DIAPH3: variants seen among roughly 807,000 people sequenced by gnomAD.
DIAPH3 encodes the protein diaphanous related formin 3.
A neutral mutation model predicts 144.3 loss-of-function variants in DIAPH3; 117 were observed. That is an observed-to-expected ratio of 0.81 (90% CI 0.70 to 0.95). DIAPH3 has a LOEUF of 0.95. Among genes scored for constraint, DIAPH3 ranks in the 40% least tolerant of loss-of-function variants. The probability of loss-of-function intolerance (pLI) is 0.00; values close to 1 mark genes in which losing one functional copy is unlikely to be tolerated. For synonymous variants in DIAPH3, 519 were observed against 488.9 expected (o/e 1.06, Z -0.81); for missense variants, 1,421 against 1,412.7 (o/e 1.01, Z -0.09).
At chr13:60,044,423 A>C (rs1343537341) in intron 4 of DIAPH3, 1 of 152,214 alleles carries the variant, frequency 6.6e-6, no homozygotes, top group East Asian at 1.9e-4. Flanking sequence ...TCAATGGTAC[A>C]ATCTCCGAAA....
At chr13:60,034,973 T>A (rs1036165366) in intron 5 of DIAPH3, among the ~76,000 whole-genome samples, 6 of 151,824 alleles carry the variant, frequency 4.0e-5, no homozygotes, top group Admixed American at 6.6e-5. Context: ...GAATTTTTTT[T>A]AAAAAGTCAA....
In DIAPH3 at chr13:59,666,419, C is replaced by A; in HGVS notation, c.*165G>T. 1.1e-5 allele frequency: 9 copies of A among 783,736 alleles called. No homozygotes were observed. Among genetic ancestry groups the A allele is most frequent in the East Asian group, 2.9e-5 (1 of 34,896 alleles). 48.5% of individuals were successfully genotyped at this position (783,736 alleles called of 1,614,324 possible). On this transcript the variant is annotated 3_prime_UTR_variant, in exon 28 of 28. Coordinates refer to ENST00000400324, the MANE Select transcript of DIAPH3 (RefSeq NM_001042517.2). ...CTTGAATAAACCAAAACCTCCAGTA[C>A]ATAGAAAAAGCATTGCAATCATATA...
intron 4 of DIAPH3, among the ~76,000 whole-genome samples, chr13:60,070,305 T>C (rs2057152745): frequency 6.6e-6 from 1 of 151,868 alleles, no homozygotes; most frequent in African/African-American, 2.4e-5. Flanking sequence ...TTTTGCTCTT[T>C]TTTTCTAGCC....
chr13:60,110,943 C>G (rs973374362), intron 3 of DIAPH3, among the ~76,000 whole-genome samples: 1 of 152,130 alleles, frequency 6.6e-6, no homozygotes, highest in Non-Finnish European at 1.5e-5. Context: ...GGTAGTTGTA[C>G]TTTTAACTTG....
chr13:60,028,854 A>T (rs2141082228), intron 5 of DIAPH3, among the ~76,000 whole-genome samples: 1 of 152,196 alleles, frequency 6.6e-6, no homozygotes, highest in East Asian at 1.9e-4. Flanking sequence ...AGGTCAGGAG[A>T]TCGAGACCAT....
intron 17 of DIAPH3, among the ~76,000 whole-genome samples, chr13:59,938,840 G>C (rs1198035999): frequency 6.6e-6 from 1 of 152,166 alleles, no homozygotes. Flanking sequence ...TGGGTACAGA[G>C]TATCAGCTGG....
In DIAPH3 at chr13:59,817,463, T is replaced by C. The variant is rs1219405436; in HGVS notation, c.3028-6540A>G. 5.9e-5 allele frequency among the ~76,000 whole-genome samples: 9 copies of C among 151,930 alleles called. No individual in the cohort carries two copies. The East Asian group carries it at 1.5e-3, about 26-fold the overall frequency. On this transcript the variant is annotated intron_variant, in intron 24 of 27. Transcript: ENST00000400324. ...GAAGTAATTAATGTCTTGAGTCAAT[T>C]GTACCTATTAACATAGTTTCCCTTT...
In DIAPH3 at chr13:59,721,609, C is replaced by A. The variant is rs2035349575; in HGVS notation, c.3319+52580G>T. ...AGGAAAAGAAATGAGTGTAATAGCCCTATAAATATTTGTGGATTGTCACTA... is the reference window on the plus strand; with the variant it reads ...AGGAAAAGAAATGAGTGTAATAGCCATATAAATATTTGTGGATTGTCACTA... On this transcript the variant is annotated intron_variant, in intron 27 of 27. Coordinates refer to ENST00000400324, the MANE Select transcript of DIAPH3 (RefSeq NM_001042517.2). Among the ~76,000 whole-genome samples, 7 of 152,206 alleles carry A rather than the reference C, an allele frequency of 4.6e-5. No homozygotes were observed. In the South Asian group the frequency reaches 1.5e-3, roughly 32 times the overall value.
At chr13:59,712,953 CACA>C (rs2034827225) in intron 27 of DIAPH3, among the ~76,000 whole-genome samples, 1 of 152,132 alleles carries the variant, frequency 6.6e-6, no homozygotes. Flanking sequence ...ATAAAGAATA[CACA>C]ACTATATATC....
intron 20 of DIAPH3, among the ~76,000 whole-genome samples, chr13:59,910,442 A>G (rs1370873970): frequency 6.6e-6 from 1 of 152,156 alleles, no homozygotes; most frequent in Non-Finnish European, 1.5e-5. Flanking sequence ...AAAGTTTTAG[A>G]AAAGGCCGGG....
chr13:59,991,737 A>C (rs2140819795), intron 11 of DIAPH3, among the ~76,000 whole-genome samples: 1 of 152,132 alleles, frequency 6.6e-6, no homozygotes, highest in Admixed American at 6.6e-5. Flanking sequence ...GCAGGGAAAG[A>C]GCAGCCAGTG....
At chr13:59,770,427 T>A (rs965851690) in intron 27 of DIAPH3, among the ~76,000 whole-genome samples, 1 of 152,112 alleles carries the variant, frequency 6.6e-6, no homozygotes, top group Admixed American at 6.6e-5. Flanking sequence ...GTCTCCACTC[T>A]GATGAAACTC....
chr13:59,811,477 G>A (rs1386230256), intron 24 of DIAPH3, among the ~76,000 whole-genome samples: 2 of 152,040 alleles, frequency 1.3e-5, no homozygotes, highest in Admixed American at 6.5e-5. Flanking sequence ...AGTGGCTCAC[G>A]CCTGTAATCC....
rs1366910240 is a variant in DIAPH3, at chr13:60,119,602, CCGGGCGTAGTGG to C, written c.214-7428_214-7417del. Among the ~76,000 whole-genome samples, 54 of 151,064 alleles carry C rather than the reference CCGGGCGTAGTGG, an allele frequency of 3.6e-4. 1 individual carries two copies. The highest frequency in any genetic ancestry group is 1.3e-3 in the African/African-American group (52 of 41,182). On this transcript the variant is annotated intron_variant, in intron 2 of 27. Coordinates refer to ENST00000400324, the MANE Select transcript of DIAPH3 (RefSeq NM_001042517.2). ...CTCTACTAAAAATACAAAAAATTAG[CCGGGCGTAGTGG>C]CGGGCGCCTGTAGTCCCAGCTACTT...
chr13:59,965,332 C>A (rs2049989078), intron 17 of DIAPH3, among the ~76,000 whole-genome samples: 1 of 152,054 alleles, frequency 6.6e-6, no homozygotes, highest in South Asian at 2.1e-4. Context: ...AATTGTGGAA[C>A]CACATTTTCA....
At chr13:60,013,717 T>C (rs1042935480) in intron 7 of DIAPH3, among the ~76,000 whole-genome samples, 3 of 152,170 alleles carry the variant, frequency 2.0e-5, no homozygotes, top group Non-Finnish European at 4.4e-5. Context: ...TTAAAACTTA[T>C]ATTTTCACCA....
At chr13:60,023,080 C>T (rs2054135352) in intron 5 of DIAPH3, among the ~76,000 whole-genome samples, 1 of 152,096 alleles carries the variant, frequency 6.6e-6, no homozygotes, top group South Asian at 2.1e-4. Context: ...TAATTGCTGT[C>T]TGCTCTGCTA....
intron 21 of DIAPH3, among the ~76,000 whole-genome samples, chr13:59,873,574 C>T (rs946400961): frequency 6.6e-6 from 1 of 152,040 alleles, no homozygotes; most frequent in African/African-American, 2.4e-5. Flanking sequence ...CCACTATGTG[C>T]CTGAAATTCA....
intron 27 of DIAPH3, among the ~76,000 whole-genome samples, chr13:59,751,856 C>G (rs1184889739): frequency 1.3e-5 from 2 of 152,208 alleles, no homozygotes; most frequent in African/African-American, 4.8e-5. Context: ...GTTACCTCAG[C>G]CACCATTCAA....
Sources: gnomAD v4.1 joint callset for allele counts (sites outside exome capture counted in the v4.1 genomes callset) on GRCh38, gnomAD v4.1.1 for gene constraint, MANE v1.5 for transcripts, NCBI Gene and HGNC (gene_info 2026-07-23, HGNC 2026-07-21) for gene names.